The following CADM2 variants were observed in gnomAD, a reference collection of about 807,000 sequenced individuals.
The protein encoded by CADM2 is immunoglobulin superfamily member 4D.
A neutral mutation model predicts 49.8 loss-of-function variants in CADM2; 12 were observed. The observed-to-expected ratio is 0.24, with a 90% CI of 0.15 to 0.39. The LOEUF is 0.39. Among genes scored for constraint, CADM2 ranks in the 10% least tolerant of loss-of-function variants. The probability of loss-of-function intolerance (pLI) is 1.00; values close to 1 mark genes in which losing one functional copy is unlikely to be tolerated. For synonymous variants in CADM2, 214 were observed against 175.4 expected (o/e 1.22, Z -1.74); for missense variants, 378 against 492.3 (o/e 0.77, Z 2.20).
intron 3 of CADM2, among the ~76,000 whole-genome samples, chr3:85,853,158 C>G (rs2075171773): frequency 6.6e-6 from 1 of 151,582 alleles, no homozygotes; most frequent in African/African-American, 2.4e-5. Context: ...TAATTAAAAC[C>G]ATAAGTAGAA....
rs113080983 is a variant in CADM2 at position 85,857,896 on chromosome 3, C to T, written c.239-25395C>T. 8.2e-3 allele frequency among the ~76,000 whole-genome samples: 1,248 copies of T among 152,198 alleles called. 5 individuals carry two copies. The highest frequency in any genetic ancestry group is 0.013 in the Non-Finnish European group (879 of 68,006). ...GTTTACTAACAATTTCATTGCCATCCAGAGCAAAACAAAACAAAAATCTAA... is the reference window on the plus strand; with the variant it reads ...GTTTACTAACAATTTCATTGCCATCTAGAGCAAAACAAAACAAAAATCTAA... On this transcript the variant is annotated intron_variant, in intron 3 of 9. Coordinates refer to ENST00000383699, the MANE Select transcript of CADM2 (RefSeq NM_001167675.2).
At chr3:84,966,875 G>A (rs772599324) in intron 1 of CADM2, among the ~76,000 whole-genome samples, 2 of 151,830 alleles carry the variant, frequency 1.3e-5, no homozygotes, top group Non-Finnish European at 2.9e-5. Flanking sequence ...TTTTCCAGGG[G>A]TTAAATACTG....
At chr3:85,317,690 A>AT (rs2044501046) in intron 1 of CADM2, among the ~76,000 whole-genome samples, 1 of 152,290 alleles carries the variant, frequency 6.6e-6, no homozygotes, top group East Asian at 1.9e-4. Context: ...TTATCCATTC[A>AT]TGAGGGCAGA....
At chr3:85,909,868 G>T (rs1314748142) in intron 5 of CADM2, among the ~76,000 whole-genome samples, 1 of 152,164 alleles carries the variant, frequency 6.6e-6, no homozygotes, top group African/African-American at 2.4e-5. Context: ...TACATTTTAA[G>T]TGTCTTCTCT....
At chr3:85,838,614 G>A (rs2074505054) in intron 3 of CADM2, among the ~76,000 whole-genome samples, 1 of 151,734 alleles carries the variant, frequency 6.6e-6, no homozygotes, top group Admixed American at 6.6e-5. Context: ...TTTTGGTTTT[G>A]TTTTGAAATT....
intron 1 of CADM2, among the ~76,000 whole-genome samples, chr3:85,293,713 A>C (rs968845364): frequency 3.4e-5 from 5 of 147,994 alleles, no homozygotes; most frequent in African/African-American, 1.3e-4. Flanking sequence ...ATAGATGCAG[A>C]AAAAGCCTTT....
chr3:85,967,300 G>T (rs1037197184), intron 8 of CADM2, among the ~76,000 whole-genome samples: 1 of 151,416 alleles, frequency 6.6e-6, no homozygotes, highest in Non-Finnish European at 1.5e-5. Flanking sequence ...AGTCATGGAT[G>T]GTATCTTTTC....
chr3:85,506,992 G>A (rs182068786), intron 1 of CADM2, among the ~76,000 whole-genome samples: 1 of 151,900 alleles, frequency 6.6e-6, no homozygotes, highest in African/African-American at 2.4e-5. Flanking sequence ...CTAAAACAAG[G>A]TTTTTAAGTA....
chr3:85,354,861 A>G (rs1365088776), intron 1 of CADM2, among the ~76,000 whole-genome samples: 1 of 152,018 alleles, frequency 6.6e-6, no homozygotes, highest in African/African-American at 2.4e-5. Context: ...GCTGAGTGAG[A>G]TGGCCAAATA....
intron 1 of CADM2, among the ~76,000 whole-genome samples, chr3:85,310,073 G>T (rs539700017): frequency 6.6e-6 from 1 of 151,942 alleles, no homozygotes; most frequent in African/African-American, 2.4e-5. Flanking sequence ...TTGTCCTTTT[G>T]GGAAACAGAA....
intron 1 of CADM2, among the ~76,000 whole-genome samples, chr3:85,318,277 T>A (rs941802325): frequency 2.0e-5 from 3 of 151,646 alleles, no homozygotes; most frequent in Non-Finnish European, 2.9e-5. Context: ...GTCATATGAA[T>A]ACAGAATGAA....
At chr3:85,768,776 A>G (rs1199276018) in intron 2 of CADM2, among the ~76,000 whole-genome samples, 1 of 133,338 alleles carries the variant, frequency 7.5e-6, no homozygotes, top group African/African-American at 2.8e-5. Context: ...ATACACATAT[A>G]TACATATATA....
At chr3:85,925,761 A>G (rs1719746001) in intron 6 of CADM2, among the ~76,000 whole-genome samples, 1 of 152,160 alleles carries the variant, frequency 6.6e-6, no homozygotes, top group African/African-American at 2.4e-5. Flanking sequence ...AATTCGTATC[A>G]ATGCATACAG....
intron 1 of CADM2, among the ~76,000 whole-genome samples, chr3:85,695,294 C>A (rs957433867): frequency 6.6e-6 from 1 of 152,028 alleles, no homozygotes; most frequent in Non-Finnish European, 1.5e-5. Context: ...AAATAGTGTA[C>A]ATTGTACCCA....
chr3:85,592,724 C>T (rs1041720696), intron 1 of CADM2, among the ~76,000 whole-genome samples: 2 of 146,180 alleles, frequency 1.4e-5, no homozygotes, highest in Admixed American at 1.4e-4. Context: ...TATTATTATA[C>T]TTTAAGTTCT....
chr3:86,009,284 C>A (rs1027591912), intron 8 of CADM2, among the ~76,000 whole-genome samples: 2 of 149,310 alleles, frequency 1.3e-5, no homozygotes, highest in African/African-American at 2.4e-5. Flanking sequence ...ATGGTATATA[C>A]GTACCTACAA....
intron 1 of CADM2, among the ~76,000 whole-genome samples, chr3:85,527,985 T>G (rs934656208): frequency 4.6e-5 from 7 of 152,210 alleles, no homozygotes; most frequent in African/African-American, 1.7e-4. Flanking sequence ...AATTCATTGC[T>G]TATATATGAT....
chr3:85,861,577 A>AG, intron 3 of CADM2, among the ~76,000 whole-genome samples: 1 of 152,258 alleles, frequency 6.6e-6, no homozygotes, highest in East Asian at 1.9e-4. Flanking sequence ...CCTGGAGGTC[A>AG]GGGGGTAGGT....
chr3:86,058,753 AT>A (rs1738282684), intron 8 of CADM2, among the ~76,000 whole-genome samples: 1 of 152,046 alleles, frequency 6.6e-6, no homozygotes, highest in South Asian at 2.1e-4. Flanking sequence ...CATTATATTT[AT>A]AACTGAAAAT....
Sources: allele counts gnomAD v4.1 joint callset (sites outside exome capture counted in the v4.1 genomes callset), GRCh38; gene constraint gnomAD v4.1.1; transcripts MANE v1.5; gene names NCBI Gene and HGNC (gene_info 2026-07-23, HGNC 2026-07-21).